ZNF248: variants seen among roughly 807,000 people sequenced by gnomAD.
ZNF248 encodes KRAB protein domain.
Under a neutral mutation model 44.3 loss-of-function variants are expected in ZNF248, and 20 were observed. The ratio of observed to expected loss-of-function variants is 0.45; its 90% CI spans 0.32 to 0.66. ZNF248 has a LOEUF of 0.66. Ranked by LOEUF, ZNF248 falls within the 30% of genes least tolerant of loss-of-function variation. The probability of loss-of-function intolerance (pLI) is 0.04; values close to 1 mark genes in which losing one functional copy is unlikely to be tolerated. For synonymous variants in ZNF248, 224 were observed against 229.0 expected (o/e 0.98, Z 0.20); for missense variants, 654 against 677.0 (o/e 0.97, Z 0.38).
chr10:37,802,035 C>T (rs1034049724), intron 6 of ZNF248, among the ~76,000 whole-genome samples: 4 of 152,302 alleles, frequency 2.6e-5, no homozygotes, highest in East Asian at 3.9e-4. Context: ...TAATCTGGGA[C>T]ATTATAGGAC....
downstream of ZNF248, among the ~76,000 whole-genome samples, chr10:37,772,836 C>T (rs1273566772): frequency 6.6e-6 from 1 of 152,206 alleles, no homozygotes; most frequent in East Asian, 1.9e-4. Flanking sequence ...AACAGCGTTC[C>T]ACATTTCTGA....
the ZNF248 span, among the ~76,000 whole-genome samples, chr10:37,761,710 G>C: frequency 2.6e-5 from 4 of 152,154 alleles, no homozygotes; most frequent in Non-Finnish European, 5.9e-5. Flanking sequence ...TTTTTCCTAA[G>C]AGCATATTCT....
chr10:37,832,678 T>C lies in ZNF248; in HGVS notation c.677A>G (p.Glu226Gly). The C allele has an allele frequency of 6.2e-7, 1 of 1,613,494 alleles. No individual in the cohort carries two copies. Residue 226 changes from glutamate (E) to glycine (G), a missense_variant, in exon 6 of 6, where the codon GAG (glutamate) becomes GGG (glycine). Glu to Gly is a moderately conservative substitution (Grantham distance 98). Transcript: ENST00000395867. ...TCTCTTATTTGTAAAAAATGCTGCCTCATCATGGAAGCCTTGTCCATTTTT... is the reference window on the plus strand; with the variant it reads ...TCTCTTATTTGTAAAAAATGCTGCCCCATCATGGAAGCCTTGTCCATTTTT... ...YSKNGQGFHDEAAFFTNKRSQ... is the reference protein window; with the variant it reads ...YSKNGQGFHDGAAFFTNKRSQ...
At chr10:37,853,378 G>GT (rs1294780854) in intron 3 of ZNF248, among the ~76,000 whole-genome samples, 2 of 152,074 alleles carry the variant, frequency 1.3e-5, no homozygotes, top group African/African-American at 4.8e-5. Flanking sequence ...CATCGGAATG[G>GT]TTTTTTGTTT....
Position 37,831,012 on chromosome 10 carries a change from G to T in ZNF248, c.*603C>A. On this transcript the variant is annotated 3_prime_UTR_variant, in exon 6 of 6. Transcript: ENST00000395867. ...TATACTAGCACATCACTATATTTAAGTATGTGTGTAGAAATATATTTACAT... is the reference window on the plus strand; with the variant it reads ...TATACTAGCACATCACTATATTTAATTATGTGTGTAGAAATATATTTACAT... The T allele has an allele frequency of 2.4e-6, 2 of 842,300 alleles. No individual in the cohort carries two copies. Among genetic ancestry groups the T allele is most frequent in the Non-Finnish European group, 3.1e-6 (2 of 652,428 alleles). 52.2% of individuals were successfully genotyped at this position (842,300 alleles called of 1,614,324 possible). A position where few individuals can be genotyped will look rare whatever the true frequency, so the allele number is the denominator to read the frequency against.
chr10:37,818,134 TCTCGATCTC>T (rs573781188), intron 6 of ZNF248, among the ~76,000 whole-genome samples: 95 of 152,182 alleles, frequency 6.2e-4, no homozygotes, highest in Non-Finnish European at 7.4e-5. Flanking sequence ...GCCAGGATGG[TCTCGATCTC>T]CTGACCTTGT....
chr10:37,794,040 T>A lies in ZNF248; in HGVS notation c.331-17465A>T, dbSNP rs150915114. ...ATGCTTATATATACAAGGTTTTTTT[T>A]ATTGATTTGTTGATTATGATTATTT... On this transcript the variant is annotated intron_variant, in intron 6 of 6. Coordinates refer to the ZNF248 transcript ENST00000615949. Among the ~76,000 whole-genome samples the A allele has an allele frequency of 9.3e-4, 142 of 152,334 alleles. 4 individuals are homozygous for A. In the East Asian group the frequency reaches 0.02, roughly 22 times the overall value.
chr10:37,811,429 A>T (rs986351969), intron 6 of ZNF248, among the ~76,000 whole-genome samples: 6 of 152,038 alleles, frequency 3.9e-5, no homozygotes, highest in Non-Finnish European at 8.8e-5. Flanking sequence ...TTAGAGCAAA[A>T]AAATAAATAA....
the ZNF248 span, among the ~76,000 whole-genome samples, chr10:37,761,899 C>T: frequency 2.0e-5 from 3 of 152,150 alleles, no homozygotes; most frequent in Non-Finnish European, 4.4e-5. Flanking sequence ...TGCTAGAGAC[C>T]ATCAATCCAA....
chr10:37,808,431 C>A (rs2050938579), intron 6 of ZNF248, among the ~76,000 whole-genome samples: 3 of 151,944 alleles, frequency 2.0e-5, no homozygotes, highest in Admixed American at 2.0e-4. Context: ...TACAAGCACA[C>A]CCCACCACAC....
At position 37,832,551 on chromosome 10, in the gene ZNF248, C is replaced by T. The variant is rs200915223; in HGVS notation, c.804G>A (p.Glu268=). The T allele has an allele frequency of 6.2e-7, 1 of 1,613,932 alleles. No individual in the cohort carries two copies. Among genetic ancestry groups the T allele is most frequent in the Non-Finnish European group, 8.5e-7 (1 of 1,179,938 alleles). ...NISQRPHLEM[E]PYGCSICGKS... is the part of the protein sequence containing the mutation. ...TCCCGCAAATACTGCATCCATACGGCTCCATTTCCAAATGAGGTCTTTGAG... is the reference window on the plus strand; with the variant it reads ...TCCCGCAAATACTGCATCCATACGGTTCCATTTCCAAATGAGGTCTTTGAG... The change falls in exon 6 of 6, where the codon GAG becomes GAA. Residue 268 remains glutamate (E), a synonymous_variant. Transcript: ENST00000395867.
chr10:37,832,589 T>C lies in ZNF248; in HGVS notation c.766A>G (p.Lys256Glu), dbSNP rs759878862. The part of the protein sequence containing the change: ...ECGRTFIESL[K>E]LNISQRPHLE... ...TGAGGTCTTTGAGATATATTCAGCT[T>C]TAAACTTTCAATGAAGGTTCTTCCA... The change falls in exon 6 of 6, where the codon AAG becomes GAG. Residue 256 changes from lysine to glutamate, a missense_variant. Physicochemically the swap from Lys to Glu is moderately conservative, Grantham distance 56. Coordinates refer to ENST00000395867, the MANE Select transcript of ZNF248 (RefSeq NM_021045.3). 12 of 1,613,682 alleles carry C rather than the reference T, an allele frequency of 7.4e-6. No homozygotes were observed. The highest frequency in any genetic ancestry group is 1.0e-5 in the Non-Finnish European group (12 of 1,179,890).
the ZNF248 span, among the ~76,000 whole-genome samples, chr10:37,765,744 G>C: frequency 6.6e-6 from 1 of 152,148 alleles, no homozygotes; most frequent in Admixed American, 6.5e-5. Context: ...TCACTAGGGA[G>C]TGCCAGACAG....
chr10:37,789,239 T>C (rs1025078482), intron 6 of ZNF248, among the ~76,000 whole-genome samples: 9 of 151,970 alleles, frequency 5.9e-5, no homozygotes, highest in Non-Finnish European at 1.2e-4. Flanking sequence ...ATTTAATATA[T>C]ATCACTGAAT....
chr10:37,771,692 C>T (rs1055255025), downstream of ZNF248, among the ~76,000 whole-genome samples: 22 of 151,620 alleles, frequency 1.5e-4, no homozygotes, highest in African/African-American at 3.4e-4. Flanking sequence ...AGTTAATGGG[C>T]GCAGCACACC....
Position 37,832,752 on chromosome 10 carries a change from ATAAT to A in ZNF248, c.599_602del (p.Asn200IlefsTer37). The A allele has an allele frequency of 6.2e-7, 1 of 1,613,724 alleles. No individual in the cohort carries two copies. Among genetic ancestry groups the A allele is most frequent in the Non-Finnish European group, 8.5e-7 (1 of 1,179,862 alleles). On this transcript the variant is annotated frameshift_variant, in exon 6 of 6. Transcript: ENST00000395867. LOFTEE classifies it high-confidence loss of function. The stretch of plus-strand genomic sequence containing the variant: ...AACTTGGCTGACTGAGATCCTGGTG[ATAAT>A]TAATGGCATTCCTTTTTTGATCATA...
chr10:37,849,213 T>C (rs1429534804), intron 3 of ZNF248, among the ~76,000 whole-genome samples: 2 of 151,880 alleles, frequency 1.3e-5, no homozygotes, highest in Non-Finnish European at 1.5e-5. Flanking sequence ...GCGGATCACC[T>C]GAGCACAGGA....
At chr10:37,769,034 A>C in the ZNF248 span, among the ~76,000 whole-genome samples, 4,206 of 152,254 alleles carry the variant, frequency 0.028, 135 homozygotes, top group African/African-American at 0.082. Flanking sequence ...GAAATGGAAA[A>C]ATTCCTCGAC....
chr10:37,777,724 C>T (rs2046762994), intron 6 of ZNF248, among the ~76,000 whole-genome samples: 1 of 138,812 alleles, frequency 7.2e-6, no homozygotes, highest in African/African-American at 2.7e-5. Flanking sequence ...TGTGATATTC[C>T]CCTTCTTGTG....
Sources: allele counts gnomAD v4.1 joint callset (sites outside exome capture counted in the v4.1 genomes callset), GRCh38; gene constraint gnomAD v4.1.1; transcripts MANE v1.5; gene names NCBI Gene and HGNC (gene_info 2026-07-23, HGNC 2026-07-21).